EML6: variants seen among roughly 807,000 people sequenced by gnomAD.
EML6 encodes EMAP like 6, also known as echinoderm microtubule-associated protein-like 6.
EML6 carries 154 observed loss-of-function variants against 240.1 expected under a neutral mutation model. That is an observed-to-expected ratio of 0.64 (90% confidence interval 0.56 to 0.73). EML6 has a LOEUF of 0.73. Ranked by LOEUF, EML6 falls within the 30% of genes least tolerant of loss-of-function variation. EML6 has a pLI of 0.00. For missense variants in EML6, 2,964 were observed against 2,474.6 expected (o/e 1.20, Z -4.20); for synonymous variants, 1,148 against 899.0 (o/e 1.28, Z -4.95).
Position 54,838,875 on chromosome 2 carries a change from A to G in EML6, c.848-5172A>G, listed in dbSNP as rs558502505. Among the ~76,000 whole-genome samples, 3 of 152,326 alleles carry G rather than the reference A, an allele frequency of 2.0e-5. No homozygotes were observed. In the South Asian group the frequency reaches 6.2e-4, roughly 32 times the overall value. ...TCAGTTCACAGTGTCAAAAGTAACA[A>G]TGATGTGTATTTCTCCAGGAAAGAG... On this transcript the variant is annotated intron_variant, in intron 7 of 41. Transcript: ENST00000356458.
chr2:54,819,117 A>C (rs1413916089), intron 4 of EML6, among the ~76,000 whole-genome samples: 1 of 152,220 alleles, frequency 6.6e-6, no homozygotes, highest in African/African-American at 2.4e-5. Context: ...TGGACCAAGT[A>C]CTTTTTCTTC....
Position 54,957,626 on chromosome 2 carries a change from C to T in EML6, c.4487-164C>T, listed in dbSNP as rs980691155. 3.3e-5 allele frequency among the ~76,000 whole-genome samples: 5 copies of T among 152,336 alleles called. No individual in the cohort carries two copies. In the South Asian group the frequency reaches 1.0e-3, roughly 32 times the overall value. On this transcript the variant is annotated intron_variant, in intron 32 of 41. Transcript: ENST00000356458. The stretch of plus-strand genomic sequence containing the variant: ...TCTGGAAACTTGCCAGACACACTTT[C>T]CCCGCTGCCACCTGGGGAATAGTGT...
At chr2:54,808,628 T>C (rs933948806) in intron 2 of EML6, among the ~76,000 whole-genome samples, 2 of 152,190 alleles carry the variant, frequency 1.3e-5, no homozygotes, top group Admixed American at 1.3e-4. Context: ...ATTGTGAACA[T>C]TTTTTAAATG....
intron 24 of EML6, among the ~76,000 whole-genome samples, chr2:54,904,694 C>A (rs1303923792): frequency 6.6e-6 from 1 of 152,204 alleles, no homozygotes; most frequent in African/African-American, 2.4e-5. Context: ...GCAGAACTTT[C>A]ATGCTGAACT....
At chr2:54,773,629 A>G (rs972889478) in intron 2 of EML6, among the ~76,000 whole-genome samples, 5 of 152,188 alleles carry the variant, frequency 3.3e-5, no homozygotes, top group Admixed American at 6.5e-5. Context: ...ATTATTTCCA[A>G]TTTACATTGT....
chr2:54,757,735 C>T (rs1477804040), intron 2 of EML6, among the ~76,000 whole-genome samples: 1 of 152,108 alleles, frequency 6.6e-6, no homozygotes, highest in Non-Finnish European at 1.5e-5. Context: ...TATGTATCTG[C>T]AAGGCCCTGA....
intron 25 of EML6, 32 bp from the exon 26 acceptor site, chr2:54,916,727 C>A: frequency 1.4e-6 from 2 of 1,459,206 alleles, no homozygotes; most frequent in South Asian, 1.4e-5. Flanking sequence ...CTAGGTTGTG[C>A]AAAAATATCA....
At position 54,846,923 on chromosome 2, in the gene EML6, A is replaced by ATTTTTTTTTTTTTTTTTTTTT. The variant is rs34352060; in HGVS notation, c.1050-550_1050-549insTTTTTTTTTTTTTTTTTTTTT. Among the ~76,000 whole-genome samples the ATTTTTTTTTTTTTTTTTTTTT allele has an allele frequency of 1.3e-4, 17 of 129,946 alleles. 4 individuals are homozygous for ATTTTTTTTTTTTTTTTTTTTT. Among genetic ancestry groups the ATTTTTTTTTTTTTTTTTTTTT allele is most frequent in the South Asian group, 5.6e-4 (2 of 3,572 alleles). The allele number at this position is 129,946 out of a possible 152,430, so 85.2% of individuals were successfully genotyped here. A position where few individuals can be genotyped will look rare whatever the true frequency, so the allele number is the denominator to read the frequency against. On this transcript the variant is annotated intron_variant, in intron 8 of 41. Transcript: ENST00000356458. ...AAAGTAATATTTTGTATGAAGTAGT[A>ATTTTTTTTTTTTTTTTTTTTT]TTTTTTTTTTTTTGGAGACAGGGCC...
At chr2:54,891,267 A>T (rs1672454136) in intron 18 of EML6, 113 bp downstream of exon 18, 1 of 536,318 alleles carries the variant, frequency 1.9e-6, no homozygotes, top group Non-Finnish European at 3.3e-6. Flanking sequence ...CTAAAATAAA[A>T]ATGTGCCTAA....
chr2:54,908,292 C>T (rs1391533775), intron 24 of EML6, among the ~76,000 whole-genome samples: 1 of 151,382 alleles, frequency 6.6e-6, no homozygotes, highest in Non-Finnish European at 1.5e-5. Flanking sequence ...TCACTGCAAT[C>T]TGTGCCTCCT....
intron 21 of EML6, among the ~76,000 whole-genome samples, chr2:54,897,343 A>G (rs1672824274): frequency 6.6e-6 from 1 of 152,230 alleles, no homozygotes; most frequent in Non-Finnish European, 1.5e-5. Flanking sequence ...TGCTCTAATA[A>G]GAAAAATAAC....
intron 9 of EML6, 76 bp downstream of exon 9, chr2:54,847,699 T>A: frequency 6.9e-7 from 1 of 1,458,376 alleles, no homozygotes; most frequent in Non-Finnish European, 9.3e-7. Context: ...TCATAATACA[T>A]GCTAGGACCT....
At chr2:54,739,958 T>C (rs1285828772) in intron 2 of EML6, among the ~76,000 whole-genome samples, 1 of 151,952 alleles carries the variant, frequency 6.6e-6, no homozygotes, top group South Asian at 2.1e-4. Context: ...GCATTGGGAG[T>C]AGGGTAGAAA....
intron 2 of EML6, among the ~76,000 whole-genome samples, chr2:54,788,376 G>T (rs904126663): frequency 1.3e-5 from 2 of 152,172 alleles, no homozygotes; most frequent in African/African-American, 4.8e-5. Context: ...GCTGGACCCA[G>T]GTGAGAGAAG....
intron 2 of EML6, among the ~76,000 whole-genome samples, chr2:54,758,333 C>T (rs191944857): frequency 1.1e-4 from 17 of 152,182 alleles, no homozygotes; most frequent in Non-Finnish European, 1.9e-4. Flanking sequence ...TGGTGGGAGT[C>T]CTGTATGTCC....
intron 2 of EML6, among the ~76,000 whole-genome samples, chr2:54,760,275 C>T (rs1292939471): frequency 2.0e-5 from 3 of 151,608 alleles, no homozygotes; most frequent in Non-Finnish European, 2.9e-5. Flanking sequence ...TCCCTCCATG[C>T]TCCCCAGATA....
At chr2:54,821,290 C>T (rs1668324867) in intron 5 of EML6, among the ~76,000 whole-genome samples, 1 of 152,014 alleles carries the variant, frequency 6.6e-6, no homozygotes, top group African/African-American at 2.4e-5. Context: ...ATTAGTCTTA[C>T]TTGGTTAGAA....
At chr2:54,798,880 T>G (rs1341642926) in intron 2 of EML6, among the ~76,000 whole-genome samples, 2 of 152,242 alleles carry the variant, frequency 1.3e-5, no homozygotes, top group Admixed American at 6.5e-5. Flanking sequence ...CATTCAGTAT[T>G]TCAGCATTAA....
intron 2 of EML6, among the ~76,000 whole-genome samples, chr2:54,757,265 C>T (rs1667775701): frequency 6.6e-6 from 1 of 152,068 alleles, no homozygotes; most frequent in Admixed American, 6.6e-5. Flanking sequence ...GGCTTTGGCT[C>T]TCTTTGTATT....
Sources: gnomAD v4.1 joint callset for allele counts (sites outside exome capture counted in the v4.1 genomes callset) on GRCh38, gnomAD v4.1.1 for gene constraint, MANE v1.5 for transcripts, NCBI Gene and HGNC (gene_info 2026-07-23, HGNC 2026-07-21) for gene names.